CEP164: variants seen among roughly 807,000 people sequenced by gnomAD.
CEP164 encodes the protein centrosomal protein of 164 kDa.
A neutral mutation model predicts 182.7 loss-of-function variants in CEP164; 162 were observed. The observed-to-expected ratio is 0.89, with a 90% CI of 0.78 to 1.01. The LOEUF is 1.01. Among genes scored for constraint, CEP164 ranks in the 50% least tolerant of loss-of-function variants. CEP164 has a pLI of 0.00. For missense variants in CEP164, 1,735 were observed against 1,790.4 expected, an observed-to-expected ratio of 0.97 and a Z score of 0.56; for synonymous variants, 661 against 690.0, an observed-to-expected ratio of 0.96 and a Z score of 0.66.
Position 117,409,764 on chromosome 11 carries a change from G to C in CEP164, c.3895G>C (p.Ala1299Pro). ...SPPPLLASMP[A>P]QLPPRDPKST... ...GCCGCCGCTCCTCGCCTCCATGCCA[G>C]CCCAGCTCCCTCCCCGGGACCCTAA... The change falls in exon 30 of 33, where the codon GCC (alanine) becomes CCC (proline). Residue 1299 changes from alanine (A) to proline (P), a missense_variant. By Grantham distance (27) the Ala-to-Pro change is conservative. Coordinates refer to ENST00000278935, the MANE Select transcript of CEP164 (RefSeq NM_014956.5). This position sits in a 1 kb window ranked among gnomAD's most constrained non-coding sequence, Gnocchi z 4.4. The C allele has an allele frequency of 6.2e-7, 1 of 1,613,940 alleles. No individual in the cohort carries two copies. The highest frequency in any genetic ancestry group is 8.5e-7 in the Non-Finnish European group (1 of 1,179,914).
chr11:117,344,789 G>C (rs985109155), intron 4 of CEP164, among the ~76,000 whole-genome samples: 3 of 152,110 alleles, frequency 2.0e-5, no homozygotes, highest in Non-Finnish European at 4.4e-5. Flanking sequence ...TTAGCTGGGT[G>C]TGGTAGTGCA....
intron 27 of CEP164, among the ~76,000 whole-genome samples, chr11:117,402,364 G>A (rs1348878731): frequency 6.6e-6 from 1 of 152,094 alleles, no homozygotes; most frequent in African/African-American, 2.4e-5. Flanking sequence ...GGGATTACAG[G>A]TGTGTGCCAC....
At chr11:117,406,923 G>A (rs566131965) in intron 27 of CEP164, among the ~76,000 whole-genome samples, 28 of 152,062 alleles carry the variant, frequency 1.8e-4, no homozygotes, top group East Asian at 5.8e-4. Context: ...GTGAAACCCC[G>A]TCTCTACTAA....
intron 11 of CEP164, among the ~76,000 whole-genome samples, chr11:117,378,022 G>A (rs1038286323): frequency 4.0e-5 from 6 of 151,722 alleles, no homozygotes; most frequent in Non-Finnish European, 8.8e-5. Context: ...CACCATGCCC[G>A]GCTAATTTTT....
Position 117,361,950 on chromosome 11 carries a change from G to A in CEP164, c.509G>A (p.Gly170Glu). 2 of 1,599,810 alleles carry A rather than the reference G, an allele frequency of 1.3e-6. No homozygotes were observed. The highest frequency in any genetic ancestry group is 1.7e-6 in the Non-Finnish European group (2 of 1,175,740). The change falls in exon 6 of 33, where the codon GGG becomes GAG. Residue 170 changes from glycine (G) to glutamate (E), a missense_variant. Physicochemically the swap from Gly to Glu is moderately conservative, Grantham distance 98. Coordinates refer to ENST00000278935, the MANE Select transcript of CEP164 (RefSeq NM_014956.5). ...ALRGSQSVSL[G>E]SSVESGRQLG... ...CGTGGATCTCAAAGCGTGAGCCTGG[G>A]GAGCTCAGTGGAGTCTGGACGTCAG...
At chr11:117,406,219 G>A (rs1317321290) in intron 27 of CEP164, among the ~76,000 whole-genome samples, 1 of 152,192 alleles carries the variant, frequency 6.6e-6, no homozygotes, top group Non-Finnish European at 1.5e-5. Context: ...TTCTGGGGAA[G>A]CCTCAGAATC....
rs565979181 is a variant in CEP164 at position 117,399,934 on chromosome 11, G to C, written c.3501+2621G>C. Among the ~76,000 whole-genome samples, 4 of 152,236 alleles carry C rather than the reference G, an allele frequency of 2.6e-5. No homozygotes were observed. In the South Asian group the frequency reaches 6.2e-4, roughly 24 times the overall value. On this transcript the variant is annotated intron_variant, in intron 27 of 32. Transcript: ENST00000278935. Reference sequence around the variant, plus strand: ...GCAAAAATTTTCTCCCATTCTGTAGGTTGCCTGTTCACTCTGATGGTAGTT... The same window carrying C: ...GCAAAAATTTTCTCCCATTCTGTAGCTTGCCTGTTCACTCTGATGGTAGTT...
Position 117,395,136 on chromosome 11 carries a change from G to A in CEP164, c.2858G>A (p.Arg953Gln), listed in dbSNP as rs184333345. The A allele has an allele frequency of 9.9e-5, 160 of 1,614,164 alleles. No homozygotes were observed. Among genetic ancestry groups the A allele is most frequent in the Non-Finnish European group, 1.2e-4 (145 of 1,180,038 alleles). Residue 953 changes from arginine (R) to glutamine (Q), a missense_variant, in exon 23 of 33, where the codon CGG becomes CAG. Transcript: ENST00000278935. ...CTTCCCTGCAAGGAGGAGACCGCCC[G>A]GAGGGAGAAGCAGCAGCTGCTTGAT... ...ALLEVQEETA[R>Q]REKQQLLDVQ...
At chr11:117,339,522 G>GTTT (rs61258101) in intron 3 of CEP164, among the ~76,000 whole-genome samples, 14 of 56,198 alleles carry the variant, frequency 2.5e-4, no homozygotes, top group Non-Finnish European at 3.4e-4. Context: ...TTTGTTTTTT[G>GTTT]TTTTTTTTTT....
intron 5 of CEP164, chr11:117,354,966 C>T: frequency 3.1e-6 from 4 of 1,289,070 alleles, no homozygotes; most frequent in Non-Finnish European, 4.0e-6. Flanking sequence ...CTGCCTCCTT[C>T]ATCCTTTCTC....
chr11:117,335,350 G>T (rs2036917721), intron 1 of CEP164, among the ~76,000 whole-genome samples: 1 of 152,102 alleles, frequency 6.6e-6, no homozygotes, highest in African/African-American at 2.4e-5. Flanking sequence ...GGAATGAGGG[G>T]CAGAAGCTGG....
At position 117,391,138 on chromosome 11, in the gene CEP164, G is replaced by C. The variant is rs146053426; in HGVS notation, c.2206G>C (p.Glu736Gln). 14 of 1,613,884 alleles carry C rather than the reference G, an allele frequency of 8.7e-6. No homozygotes were observed. The highest frequency in any genetic ancestry group is 1.2e-5 in the Non-Finnish European group (14 of 1,179,960). Residue 736 changes from glutamate (E) to glutamine (Q), a missense_variant, in exon 17 of 33, where the codon GAG becomes CAG. Physicochemically the swap from Glu to Gln is conservative, Grantham distance 29 (BLOSUM62 2). Coordinates refer to ENST00000278935, the MANE Select transcript of CEP164 (RefSeq NM_014956.5). ...AGAGATAGAGGCTTCGGAGAAGAGC[G>C]AGCAGGCTGCCCTGAATGCTGCAAA... is the stretch of plus-strand genomic sequence containing the variant. ...KEEIEASEKS[E>Q]QAALNAAKEK... is the part of the protein sequence containing the mutation.
intron 4 of CEP164, among the ~76,000 whole-genome samples, chr11:117,350,981 T>C (rs1285082397): frequency 1.3e-5 from 2 of 152,210 alleles, no homozygotes; most frequent in African/African-American, 4.8e-5. Context: ...ATATACCTCC[T>C]GCATTATTTT....
intron 1 of CEP164, among the ~76,000 whole-genome samples, chr11:117,321,870 G>GGTT (rs1555071409): frequency 0.15 from 22,257 of 150,064 alleles, 1,769 homozygotes; most frequent in Non-Finnish European, 0.17. Context: ...AAATTTTTGG[G>GGTT]TTTTTTTTTA....
In CEP164 at chr11:117,350,370, A is replaced by AT. The variant is rs532817995; in HGVS notation, c.195-1412dup. ...AGACGTGTGTCACTGTGCCTGGCTA[A>AT]TTTTTTTTATTTCTTGTAGAAACAG... is the stretch of plus-strand genomic sequence containing the variant. On this transcript the variant is annotated intron_variant, in intron 4 of 32. Transcript: ENST00000278935. 2.6e-5 allele frequency among the ~76,000 whole-genome samples: 4 copies of AT among 151,994 alleles called. No homozygotes were observed. In the East Asian group the frequency reaches 7.7e-4, roughly 29 times the overall value.
intron 28 of CEP164, chr11:117,408,655 T>G (rs1390864619): frequency 1.8e-6 from 1 of 541,860 alleles, no homozygotes; most frequent in African/African-American, 1.9e-5. Context: ...AGTCCTCAGT[T>G]CCCACACATC....
chr11:117,328,943 C>T (rs746812580), intron 1 of CEP164, among the ~76,000 whole-genome samples: 3 of 152,200 alleles, frequency 2.0e-5, no homozygotes, highest in Non-Finnish European at 2.9e-5. Context: ...TCTTAATTCC[C>T]CTAGAATCTG....
At chr11:117,385,874 T>G (rs1021063241) in intron 14 of CEP164, 2 of 152,246 alleles carry the variant, frequency 1.3e-5, no homozygotes, top group African/African-American at 4.8e-5. Context: ...ACGAAAGGTC[T>G]TTATGGTAAT....
chr11:117,390,948 A>G (rs745521343), intron 16 of CEP164, 40 bp downstream of exon 16: 1 of 1,613,874 alleles, frequency 6.2e-7, no homozygotes. Flanking sequence ...AGCCCTGCGG[A>G]GGCGACCCCA....
Sources: allele counts gnomAD v4.1 joint callset (sites outside exome capture counted in the v4.1 genomes callset), GRCh38; gene constraint gnomAD v4.1.1; non-coding constraint Gnocchi (gnomAD v3.1); transcripts MANE v1.5; gene names NCBI Gene and HGNC (gene_info 2026-07-23, HGNC 2026-07-21).